Variants in LRRC4C observed in about 807,000 individuals in gnomAD.
LRRC4C encodes the protein leucine rich repeat containing 4C.
LRRC4C carries 5 observed loss-of-function variants against 33.6 expected under a neutral mutation model. The ratio of observed to expected loss-of-function variants is 0.15; its 90% CI spans 0.08 to 0.31. The LOEUF (loss-of-function observed/expected upper bound fraction) is 0.31, where lower values mean the gene tolerates loss of function less well. LRRC4C is among the 10% of genes least tolerant of loss of function. The pLI is 1.00. For missense variants in LRRC4C, 560 were observed against 796.7 expected (o/e 0.70, Z 3.58); for synonymous variants, 329 against 302.0 (o/e 1.09, Z -0.93).
chr11:40,884,199 T>A (rs968082635), intron 2 of LRRC4C, among the ~76,000 whole-genome samples: 3 of 152,110 alleles, frequency 2.0e-5, no homozygotes, highest in African/African-American at 7.2e-5. Flanking sequence ...TTGCCCAGGA[T>A]GATGCTTTAC....
intron 5 of LRRC4C, among the ~76,000 whole-genome samples, chr11:40,201,572 G>A (rs748276479): frequency 1.3e-5 from 2 of 152,024 alleles, no homozygotes; most frequent in Non-Finnish European, 2.9e-5. Context: ...CTCCACCCAC[G>A]AGCTGGTGCC....
At chr11:41,138,672 T>C (rs918935539) in intron 1 of LRRC4C, among the ~76,000 whole-genome samples, 7 of 152,206 alleles carry the variant, frequency 4.6e-5, no homozygotes, top group African/African-American at 1.2e-4. Context: ...TATCCAATTG[T>C]ACCAGATGTC....
chr11:41,206,767 A>G (rs1032230201), intron 1 of LRRC4C, among the ~76,000 whole-genome samples: 11 of 152,128 alleles, frequency 7.2e-5, no homozygotes, highest in African/African-American at 2.7e-4. Flanking sequence ...TGCTAATAAT[A>G]CTTATGGACT....
intron 2 of LRRC4C, among the ~76,000 whole-genome samples, chr11:40,670,001 T>G (rs896793636): frequency 1.6e-4 from 25 of 152,224 alleles, no homozygotes; most frequent in Non-Finnish European, 1.5e-5. Context: ...TTAAATTACC[T>G]TGATTATAGC....
intron 1 of LRRC4C, among the ~76,000 whole-genome samples, chr11:41,226,695 T>C (rs984917649): frequency 6.6e-6 from 1 of 150,666 alleles, no homozygotes; most frequent in Non-Finnish European, 1.5e-5. Flanking sequence ...CCTCTCCCCT[T>C]GCTACTGGTC....
chr11:40,236,475 T>C (rs918301166), intron 5 of LRRC4C, among the ~76,000 whole-genome samples: 1 of 152,248 alleles, frequency 6.6e-6, no homozygotes, highest in Non-Finnish European at 1.5e-5. Flanking sequence ...CTGTTAATTC[T>C]TTATTTCATG....
intron 4 of LRRC4C, among the ~76,000 whole-genome samples, chr11:40,280,976 A>G (rs1271472208): frequency 1.3e-5 from 2 of 152,146 alleles, no homozygotes; most frequent in Non-Finnish European, 2.9e-5. Flanking sequence ...AGGGAATGGT[A>G]GAGGGACTTG....
chr11:41,304,847 G>A (rs1402923594), intron 1 of LRRC4C, among the ~76,000 whole-genome samples: 16 of 93,844 alleles, frequency 1.7e-4, no homozygotes, highest in African/African-American at 2.7e-4. Flanking sequence ...CCGGCCAGCC[G>A]CCCCATCCGG....
At chr11:40,561,907 G>C (rs1406989290) in intron 3 of LRRC4C, among the ~76,000 whole-genome samples, 1 of 152,152 alleles carries the variant, frequency 6.6e-6, no homozygotes, top group East Asian at 1.9e-4. Context: ...GTTGTAATCT[G>C]TTACTCCATA....
intron 2 of LRRC4C, among the ~76,000 whole-genome samples, chr11:40,903,143 T>G (rs1211777055): frequency 6.6e-6 from 1 of 152,132 alleles, no homozygotes; most frequent in African/African-American, 2.4e-5. Flanking sequence ...TGTCTCTATG[T>G]TGATGCTAAT....
At chr11:41,191,929 G>A (rs922428398) in intron 1 of LRRC4C, among the ~76,000 whole-genome samples, 4 of 152,006 alleles carry the variant, frequency 2.6e-5, no homozygotes, top group Admixed American at 6.6e-5. Context: ...ATCTAATTTC[G>A]GTGCCAAAGG....
At chr11:40,921,781 A>C (rs1957191640) in intron 2 of LRRC4C, among the ~76,000 whole-genome samples, 1 of 152,180 alleles carries the variant, frequency 6.6e-6, no homozygotes, top group African/African-American at 2.4e-5. Context: ...GGTTGTTTTA[A>C]GCCACTAAAT....
chr11:41,312,149 A>C (rs117428379), intron 1 of LRRC4C, among the ~76,000 whole-genome samples: 1 of 152,144 alleles, frequency 6.6e-6, no homozygotes, highest in Admixed American at 6.6e-5. Context: ...AGAAACCAGG[A>C]ATTAGCCAGT....
At chr11:41,157,784 G>A (rs981217240) in intron 1 of LRRC4C, among the ~76,000 whole-genome samples, 1 of 151,924 alleles carries the variant, frequency 6.6e-6, no homozygotes, top group Admixed American at 6.6e-5. Flanking sequence ...GTATATAGTA[G>A]GTGTGTTTAT....
intron 3 of LRRC4C, among the ~76,000 whole-genome samples, chr11:40,358,748 T>C (rs1231484190): frequency 1.3e-5 from 2 of 152,156 alleles, no homozygotes; most frequent in Admixed American, 1.3e-4. Context: ...TGATTCCACA[T>C]GCAAATATTT....
At chr11:40,694,011 C>G (rs575262207) in intron 2 of LRRC4C, among the ~76,000 whole-genome samples, 1 of 151,990 alleles carries the variant, frequency 6.6e-6, no homozygotes, top group Non-Finnish European at 1.5e-5. Flanking sequence ...TTATTGAGAC[C>G]GTGAAAAACA....
At chr11:40,593,547 G>T (rs761843864) in intron 3 of LRRC4C, among the ~76,000 whole-genome samples, 1 of 152,126 alleles carries the variant, frequency 6.6e-6, no homozygotes, top group Non-Finnish European at 1.5e-5. Context: ...ACAGAGACAG[G>T]CATGCAGGGA....
chr11:40,908,086 G>A (rs1444071585), intron 2 of LRRC4C, among the ~76,000 whole-genome samples: 1 of 152,058 alleles, frequency 6.6e-6, no homozygotes, highest in Non-Finnish European at 1.5e-5. Flanking sequence ...ACATTGAATA[G>A]TCACTACAGT....
intron 1 of LRRC4C, among the ~76,000 whole-genome samples, chr11:41,247,474 G>T (rs781057518): frequency 6.6e-6 from 1 of 152,120 alleles, no homozygotes; most frequent in African/African-American, 2.4e-5. Flanking sequence ...AGTAAAAAAC[G>T]TTAAAATTCC....
Sources: gnomAD v4.1 joint callset for allele counts (sites outside exome capture counted in the v4.1 genomes callset) on GRCh38, gnomAD v4.1.1 for gene constraint, MANE v1.5 for transcripts, NCBI Gene and HGNC (gene_info 2026-07-23, HGNC 2026-07-21) for gene names.